NOTCH1: variants seen among roughly 807,000 people sequenced by gnomAD.
NOTCH1 encodes notch receptor 1.
NOTCH1 carries 37 observed loss-of-function variants against 254.8 expected under a neutral mutation model. The ratio of observed to expected loss-of-function variants is 0.15; its 90% CI spans 0.11 to 0.19. NOTCH1 has a LOEUF of 0.19. Among genes scored for constraint, NOTCH1 ranks in the 10% least tolerant of loss-of-function variants. The pLI is 1.00. For missense variants in NOTCH1, 2,972 were observed against 3,708.6 expected (o/e 0.80, Z 5.16); for synonymous variants, 1,731 against 1,618.1 (o/e 1.07, Z -1.68).
intron 18 of NOTCH1, 29 bp from the exon 19 acceptor site, chr9:136,509,100 A>G: frequency 6.5e-7 from 1 of 1,540,568 alleles, no homozygotes; most frequent in Non-Finnish European, 8.8e-7. Context: ...GCGGGGGCTG[A>G]GTGGAGGGCA....
In NOTCH1 at chr9:136,504,807, C is replaced by G. The variant is rs2133336253; in HGVS notation, c.4884G>C (p.Lys1628Asn). 1 of 1,563,240 alleles carries G rather than the reference C, an allele frequency of 6.4e-7. No homozygotes were observed. Among genetic ancestry groups the G allele is most frequent in the African/African-American group, 1.3e-5 (1 of 74,132 alleles). The change falls in exon 26 of 34, where the codon AAG becomes AAC. Residue 1628 changes from lysine (K) to asparagine (N), a missense_variant. By Grantham distance (94) the Lys-to-Asn change is moderately conservative. Transcript: ENST00000651671. ...PYYGREEELR[K>N]HPIKRAAEGW... ...CCTCGGCGGCACGCTTGATGGGGTG[C>G]TTGCGCAGCTCCTCCTCGCGGCCGT...
chr9:136,515,659 T>C lies in NOTCH1; in HGVS notation c.1727A>G (p.His576Arg), dbSNP rs866860471. Residue 576 changes from histidine to arginine, a missense_variant, in exon 11 of 34, where the codon CAC becomes CGC. This residue lies in a region of NOTCH1 where 128 missense variants were observed against 193.8 expected (regional missense o/e 0.66). Coordinates refer to ENST00000651671, the MANE Select transcript of NOTCH1 (RefSeq NM_017617.5). ...GACGCCGTCCTTGCAGGAGCCGTAG[T>C]GGCAGGGGTCGGGGTCGCACTCATC... ...DIDECDPDPC[H>R]YGSCKDGVAT... 6.3e-7 allele frequency: 1 copy of C among 1,584,054 alleles called. No individual in the cohort carries two copies. The highest frequency in any genetic ancestry group is 8.6e-7 in the Non-Finnish European group (1 of 1,169,148).
chr9:136,517,491 C>T (rs1223736294), intron 8 of NOTCH1, 106 bp from the exon 9 acceptor site: 2 of 907,910 alleles, frequency 2.2e-6, no homozygotes, highest in African/African-American at 1.6e-5. Context: ...GCCCAGTGTC[C>T]CAGCCACCAC....
chr9:136,497,427 G>A lies in NOTCH1; in HGVS notation c.6312C>T (p.Arg2104=). Residue 2104 remains arginine (R), a synonymous_variant, in exon 34 of 34, where the codon CGC becomes CGT. Transcript: ENST00000651671. ...DRLPRDIAQE[R]MHHDIVRLLD... ...GCAGCCTCACGATGTCGTGATGCAT[G>A]CGCTCCTGTGCGATGTCGCGCGGCA... 1 of 1,612,036 alleles carries A rather than the reference G, an allele frequency of 6.2e-7. No individual in the cohort carries two copies. The highest frequency in any genetic ancestry group is 8.5e-7 in the Non-Finnish European group (1 of 1,179,928).
intron 18 of NOTCH1, 57 bp downstream of exon 18, chr9:136,509,676 C>T (rs1057276803): frequency 1.0e-4 from 152 of 1,525,154 alleles, no homozygotes; most frequent in Non-Finnish European, 1.3e-4. Context: ...CTGCCAGCTA[C>T]TGCGTGTGGC....
At position 136,497,451 on chromosome 9, in the gene NOTCH1, C is replaced by A. The variant is rs763651579; in HGVS notation, c.6288G>T (p.Leu2096=). The A allele has an allele frequency of 6.2e-6, 10 of 1,612,442 alleles. No homozygotes were observed. In the South Asian group the frequency reaches 1.1e-4, roughly 18 times the overall value. ...NRDITDHMDR[L]PRDIAQERMH... ...TGCGCTCCTGTGCGATGTCGCGCGGCAGGCGGTCCATATGATCCGTGATGT... is the reference window on the plus strand; with the variant it reads ...TGCGCTCCTGTGCGATGTCGCGCGGAAGGCGGTCCATATGATCCGTGATGT... Residue 2096 remains leucine, a synonymous_variant, in exon 34 of 34, where the codon CTG becomes CTT. Transcript: ENST00000651671.
intron 16 of NOTCH1, 119 bp from the exon 17 acceptor site, chr9:136,510,924 C>T (rs1425300066): frequency 4.8e-6 from 7 of 1,443,778 alleles, no homozygotes; most frequent in African/African-American, 1.4e-5. Context: ...TCCGTGACCC[C>T]AGGACCATCC....
At chr9:136,537,422 G>A (rs3013302) in intron 2 of NOTCH1, among the ~76,000 whole-genome samples, 77,768 of 152,024 alleles carry the variant, frequency 0.51, 21,538 homozygotes, top group East Asian at 0.75. Context: ...GAATTCAGAG[G>A]CAGAAAGCGG....
chr9:136,510,819 G>A lies in NOTCH1; in HGVS notation c.2588-14C>T, dbSNP rs532498265. On this transcript the variant is annotated splice_polypyrimidine_tract_variant and intron_variant, in intron 16 of 33. Coordinates refer to ENST00000651671, the MANE Select transcript of NOTCH1 (RefSeq NM_017617.5). Reference sequence around the variant, plus strand: ...CACAGGTCTGCCCTGCGGGGCAGGAGGAGGCCGGTTGGTCACCAGCGGCCC... The same window carrying A: ...CACAGGTCTGCCCTGCGGGGCAGGAAGAGGCCGGTTGGTCACCAGCGGCCC... 5.0e-6 allele frequency: 8 copies of A among 1,606,814 alleles called. No homozygotes were observed. In the South Asian group the frequency reaches 7.7e-5, roughly 15 times the overall value.
chr9:136,503,391 C>A (rs2133333984), intron 26 of NOTCH1, 61 bp from the exon 27 acceptor site: 1 of 1,609,494 alleles, frequency 6.2e-7, no homozygotes, highest in Non-Finnish European at 8.5e-7. Flanking sequence ...GCCCACCGGC[C>A]AGGGATGCTG....
In NOTCH1 at chr9:136,499,068, C is replaced by G. The variant is rs753986969; in HGVS notation, c.6082+44G>C. 4 of 1,612,564 alleles carry G rather than the reference C, an allele frequency of 2.5e-6. No homozygotes were observed. In the African/African-American group the frequency reaches 5.3e-5, roughly 21 times the overall value. ...AACCCAGTCCCACCCGTCCCTGTGG[C>G]GGTCCCGCCCCACGACAGAGCAGCC... On this transcript the variant is annotated intron_variant, in intron 32 of 33. Transcript: ENST00000651671.
Position 136,545,837 on chromosome 9 carries a change from C to A in NOTCH1, c.-51G>T. 1 of 1,069,386 alleles carries A rather than the reference C, an allele frequency of 9.4e-7. No individual in the cohort carries two copies. The highest frequency in any genetic ancestry group is 1.2e-6 in the Non-Finnish European group (1 of 852,892). 66.2% of individuals were successfully genotyped at this position (1,069,386 alleles called of 1,614,324 possible). A position where few individuals can be genotyped will look rare whatever the true frequency, so the allele number is the denominator to read the frequency against. ...CCCGGGCGGCGGCCTCCTGCGCTGG[C>A]CGGCGGGGCTGGGACGCACACGCGC... On this transcript the variant is annotated 5_prime_UTR_variant, in exon 1 of 34. Coordinates refer to ENST00000651671, the MANE Select transcript of NOTCH1 (RefSeq NM_017617.5). The surrounding 1 kb of genome is among the most constrained non-coding windows in gnomAD (Gnocchi z 6.8).
intron 2 of NOTCH1, among the ~76,000 whole-genome samples, chr9:136,533,597 A>T (rs1843596731): frequency 6.6e-6 from 1 of 152,202 alleles, no homozygotes; most frequent in South Asian, 2.1e-4. Flanking sequence ...CGGCCACAGC[A>T]GCCTCAGAGA....
At chr9:136,541,702 C>T (rs1020201397) in intron 2 of NOTCH1, among the ~76,000 whole-genome samples, 5 of 152,160 alleles carry the variant, frequency 3.3e-5, no homozygotes, top group Non-Finnish European at 5.9e-5. Context: ...GGAGGGAGCC[C>T]GGGGCCTTCT....
rs1013517888 is a variant in NOTCH1, at chr9:136,511,032, C to A, written c.2587+120G>T. 5 of 1,490,372 alleles carry A rather than the reference C, an allele frequency of 3.4e-6. No homozygotes were observed. In the East Asian group the frequency reaches 9.1e-5, roughly 27 times the overall value. 92.3% of individuals were successfully genotyped at this position (1,490,372 alleles called of 1,614,324 possible). A position where few individuals can be genotyped will look rare whatever the true frequency, so the allele number is the denominator to read the frequency against. ...GATTCCAGAACTTCTCCGACCAGGG[C>A]CTCCTCAGCACCCACCAGCTCCTCT... On this transcript the variant is annotated intron_variant, in intron 16 of 33. Transcript: ENST00000651671.
chr9:136,515,424 C>T (rs2133362991), intron 11 of NOTCH1, 24 bp from the exon 12 acceptor site: 1 of 1,612,574 alleles, frequency 6.2e-7, no homozygotes, highest in South Asian at 1.1e-5. Flanking sequence ...ACGTGTCGGT[C>T]AGTCCTCAGG....
intron 30 of NOTCH1, among the ~76,000 whole-genome samples, chr9:136,501,294 T>A (rs1230335987): frequency 6.6e-6 from 1 of 151,162 alleles, no homozygotes; most frequent in Non-Finnish European, 1.5e-5. Context: ...ATTAGCCAGG[T>A]GTGGTGGCAG....
At chr9:136,536,192 G>A (rs892825333) in intron 2 of NOTCH1, among the ~76,000 whole-genome samples, 4 of 152,294 alleles carry the variant, frequency 2.6e-5, no homozygotes, top group South Asian at 2.1e-4. Flanking sequence ...TAACACGCAC[G>A]CATCCTCCCG....
At chr9:136,532,565 G>A (rs1051650318) in intron 2 of NOTCH1, among the ~76,000 whole-genome samples, 3 of 152,158 alleles carry the variant, frequency 2.0e-5, no homozygotes, top group African/African-American at 4.8e-5. Context: ...CGGGGGAGCC[G>A]GGCGTGCCGC....
Sources: allele counts gnomAD v4.1 joint callset (sites outside exome capture counted in the v4.1 genomes callset), GRCh38; gene constraint gnomAD v4.1.1; regional missense constraint gnomAD v4.1.1; non-coding constraint Gnocchi (gnomAD v3.1); transcripts MANE v1.5; gene names NCBI Gene and HGNC (gene_info 2026-07-23, HGNC 2026-07-21).